RBMS3: variants seen among roughly 807,000 people sequenced by gnomAD.
RBMS3 encodes the protein RNA binding motif single stranded interacting protein 3.
RBMS3 carries 27 observed loss-of-function variants against 66.8 expected under a neutral mutation model. That is an observed-to-expected ratio of 0.40 (90% CI 0.30 to 0.56). RBMS3 has a LOEUF of 0.56. Ranked by LOEUF, RBMS3 falls within the 20% of genes least tolerant of loss-of-function variation. RBMS3 has a pLI of 0.40. For synonymous variants in RBMS3, 188 were observed against 183.0 expected, an observed-to-expected ratio of 1.03 and a Z score of -0.22; for missense variants, 513 against 549.5, an observed-to-expected ratio of 0.93 and a Z score of 0.66.
At chr3:29,875,729 T>C (rs958884859) in intron 7 of RBMS3, among the ~76,000 whole-genome samples, 2 of 152,160 alleles carry the variant, frequency 1.3e-5, no homozygotes, top group Non-Finnish European at 2.9e-5. Context: ...AACTTTTTTT[T>C]CCAAGATTTT....
chr3:29,282,749 G>A (rs944638268), intron 1 of RBMS3, among the ~76,000 whole-genome samples: 1 of 152,034 alleles, frequency 6.6e-6, no homozygotes, highest in Admixed American at 6.6e-5. Flanking sequence ...TAAATATGCC[G>A]AGAGTGAACA....
intron 1 of RBMS3, among the ~76,000 whole-genome samples, chr3:29,399,901 A>AT (rs1157866456): frequency 7.2e-5 from 11 of 152,168 alleles, no homozygotes; most frequent in South Asian, 4.1e-4. Context: ...AGAAAACTAC[A>AT]TTTTTTTGTT....
At chr3:29,308,963 A>T (rs537255996) in intron 1 of RBMS3, among the ~76,000 whole-genome samples, 1 of 151,808 alleles carries the variant, frequency 6.6e-6, no homozygotes, top group African/African-American at 2.4e-5. Context: ...TTACCCTAAC[A>T]TTGGTTAAGA....
chr3:29,800,356 C>G (rs1314654124), intron 6 of RBMS3, among the ~76,000 whole-genome samples: 1 of 152,006 alleles, frequency 6.6e-6, no homozygotes, highest in East Asian at 1.9e-4. Flanking sequence ...GTTAAAGACA[C>G]ATTATTAAGT....
chr3:29,875,955 T>C (rs1484378051), intron 7 of RBMS3, among the ~76,000 whole-genome samples: 2 of 152,164 alleles, frequency 1.3e-5, no homozygotes, highest in Non-Finnish European at 1.5e-5. Flanking sequence ...ATATAGTGCA[T>C]GTAAATAACA....
chr3:29,883,027 G>A (rs2059773019), intron 7 of RBMS3, among the ~76,000 whole-genome samples: 1 of 151,832 alleles, frequency 6.6e-6, no homozygotes, highest in South Asian at 2.1e-4. Context: ...GGACATTGAT[G>A]TTGATCTAAT....
At chr3:29,869,216 A>G (rs1164187306) in intron 7 of RBMS3, among the ~76,000 whole-genome samples, 1 of 152,180 alleles carries the variant, frequency 6.6e-6, no homozygotes, top group Admixed American at 6.5e-5. Context: ...ACCTGAAAGG[A>G]ACTCACTGAA....
chr3:29,588,482 G>A (rs2047611247), intron 4 of RBMS3, among the ~76,000 whole-genome samples: 1 of 152,060 alleles, frequency 6.6e-6, no homozygotes, highest in African/African-American at 2.4e-5. Context: ...ATAACTAGAG[G>A]TAAGATATTT....
chr3:29,808,034 G>A (rs1408054816), intron 6 of RBMS3, among the ~76,000 whole-genome samples: 1 of 151,774 alleles, frequency 6.6e-6, no homozygotes, highest in Admixed American at 6.6e-5. Flanking sequence ...TTGATTGGGT[G>A]GATTACTTCT....
intron 1 of RBMS3, among the ~76,000 whole-genome samples, chr3:29,296,769 A>T (rs929306936): frequency 1.3e-5 from 2 of 151,736 alleles, no homozygotes; most frequent in Admixed American, 1.3e-4. Flanking sequence ...TCCTCTTTAC[A>T]TAGTCATATT....
chr3:29,806,735 T>C (rs942537510), intron 6 of RBMS3, among the ~76,000 whole-genome samples: 2 of 151,960 alleles, frequency 1.3e-5, no homozygotes, highest in Non-Finnish European at 2.9e-5. Flanking sequence ...GTTTCTGGAC[T>C]GTGGTAAATT....
chr3:29,764,291 T>C (rs1200139934), intron 6 of RBMS3, among the ~76,000 whole-genome samples: 1 of 152,088 alleles, frequency 6.6e-6, no homozygotes, highest in Non-Finnish European at 1.5e-5. Flanking sequence ...GACTGCATTA[T>C]GATCCAATTG....
intron 4 of RBMS3, among the ~76,000 whole-genome samples, chr3:29,643,044 A>G (rs992945779): frequency 4.6e-5 from 7 of 152,288 alleles, no homozygotes; most frequent in African/African-American, 1.7e-4. Context: ...ATTTGAATAA[A>G]CTCAAGTCCA....
intron 6 of RBMS3, among the ~76,000 whole-genome samples, chr3:29,783,655 G>T (rs6549955): frequency 0.5 from 75,669 of 151,774 alleles, 19,137 homozygotes; most frequent in East Asian, 0.64. Flanking sequence ...AAAGTATTTA[G>T]TCAACAAATA....
intron 1 of RBMS3, among the ~76,000 whole-genome samples, chr3:29,349,182 C>G (rs1429578683): frequency 6.6e-6 from 1 of 151,386 alleles, no homozygotes; most frequent in Non-Finnish European, 1.5e-5. Context: ...CAGCTCTCTG[C>G]TCCCTTTGCA....
intron 2 of RBMS3, among the ~76,000 whole-genome samples, chr3:29,446,906 CTTTTTTTT>C (rs11293530): frequency 2.9e-5 from 2 of 68,582 alleles, no homozygotes; most frequent in Non-Finnish European, 5.0e-5. Flanking sequence ...ATTAAGCAGT[CTTTTTTTT>C]TTTTTTTTTT....
intron 3 of RBMS3, among the ~76,000 whole-genome samples, chr3:29,544,981 A>G (rs778711472): frequency 5.9e-5 from 9 of 152,146 alleles, no homozygotes; most frequent in Non-Finnish European, 1.3e-4. Context: ...TGACACAGCA[A>G]TCTCACTTCT....
At chr3:29,468,902 TC>T (rs1393504137) in intron 2 of RBMS3, among the ~76,000 whole-genome samples, 3 of 152,170 alleles carry the variant, frequency 2.0e-5, no homozygotes, top group African/African-American at 7.2e-5. Flanking sequence ...AAAGTCATTT[TC>T]TAGTTGCTAT....
intron 1 of RBMS3, among the ~76,000 whole-genome samples, chr3:29,367,165 A>G (rs7428320): frequency 0.63 from 95,128 of 151,966 alleles, 30,329 homozygotes; most frequent in Non-Finnish European, 0.69. Context: ...TTTCCATTTT[A>G]TGAAAAAACT....
Sources: allele counts gnomAD v4.1 joint callset (sites outside exome capture counted in the v4.1 genomes callset), GRCh38; gene constraint gnomAD v4.1.1; transcripts MANE v1.5; gene names NCBI Gene and HGNC (gene_info 2026-07-23, HGNC 2026-07-21).